Variants in LRP1B observed in about 807,000 individuals in gnomAD.
LRP1B encodes the protein low-density lipoprotein receptor-related protein 1B.
Under a neutral mutation model 556.6 loss-of-function variants are expected in LRP1B, and 217 were observed. That is an observed-to-expected ratio of 0.39 (90% CI 0.35 to 0.44). The LOEUF (loss-of-function observed/expected upper bound fraction) is 0.44, where lower values mean the gene tolerates loss of function less well. Among genes scored for constraint, LRP1B ranks in the 20% least tolerant of loss-of-function variants. The probability of loss-of-function intolerance (pLI) is 1.00; values close to 1 mark genes in which losing one functional copy is unlikely to be tolerated. For missense variants in LRP1B, 5,053 were observed against 5,620.8 expected (o/e 0.90, Z 3.23); for synonymous variants, 2,047 against 1,865.8 (o/e 1.10, Z -2.50).
intron 33 of LRP1B, among the ~76,000 whole-genome samples, chr2:140,773,947 A>C (rs1019889921): frequency 2.0e-5 from 3 of 152,108 alleles, no homozygotes; most frequent in Non-Finnish European, 2.9e-5. Flanking sequence ...ATTTATAATG[A>C]TATTGATGTT....
chr2:140,406,889 A>G (rs908035055), intron 66 of LRP1B, among the ~76,000 whole-genome samples: 1 of 152,198 alleles, frequency 6.6e-6, no homozygotes, highest in African/African-American at 2.4e-5. Context: ...AGCCAAAGCA[A>G]TACTACGTAA....
At chr2:140,261,033 G>A (rs1268473894) in intron 86 of LRP1B, among the ~76,000 whole-genome samples, 1 of 134,974 alleles carries the variant, frequency 7.4e-6, no homozygotes, top group Non-Finnish European at 1.6e-5. Context: ...AGAGAATGTT[G>A]GTGAGATATA....
rs752557587 is a variant in LRP1B, at chr2:140,335,785, G to A, written c.11946C>T (p.Asn3982=). Reference sequence around the variant, plus strand: ...TTCTAGAATGATCAGTCCAGTAAATGTTTCCAGCCACCCAGTCAACTGCAA... The same window carrying A: ...TTCTAGAATGATCAGTCCAGTAAATATTTCCAGCCACCCAGTCAACTGCAA... ...RDIAVDWVAG[N]IYWTDHSRMH... Residue 3982 remains asparagine (N), a synonymous_variant, in exon 78 of 91, where the codon AAC becomes AAT. Coordinates refer to ENST00000389484, the MANE Select transcript of LRP1B (RefSeq NM_018557.3). 1 of 1,612,762 alleles carries A rather than the reference G, an allele frequency of 6.2e-7. No individual in the cohort carries two copies. The highest frequency in any genetic ancestry group is 8.5e-7 in the Non-Finnish European group (1 of 1,179,250).
intron 2 of LRP1B, among the ~76,000 whole-genome samples, chr2:141,698,350 C>T (rs570851981): frequency 5.3e-5 from 8 of 151,812 alleles, no homozygotes; most frequent in African/African-American, 1.7e-4. Context: ...GAGTGCTGTA[C>T]AGGATGCTCA....
intron 41 of LRP1B, among the ~76,000 whole-genome samples, chr2:140,629,407 C>T (rs1244815788): frequency 6.6e-6 from 1 of 152,018 alleles, no homozygotes; most frequent in Non-Finnish European, 1.5e-5. Flanking sequence ...CAGACTAATA[C>T]AGTGTATATG....
intron 11 of LRP1B, among the ~76,000 whole-genome samples, chr2:141,046,557 G>T (rs1698875418): frequency 6.6e-6 from 1 of 152,110 alleles, no homozygotes. Context: ...TTTGCAAAAT[G>T]TTCTCATAAC....
intron 2 of LRP1B, among the ~76,000 whole-genome samples, chr2:141,641,776 A>T (rs932729531): frequency 5.3e-5 from 8 of 152,032 alleles, no homozygotes; most frequent in Non-Finnish European, 8.8e-5. Flanking sequence ...GTCCTGAATG[A>T]CTCTGCAGAG....
chr2:140,452,015 T>C (rs558895373), intron 62 of LRP1B, among the ~76,000 whole-genome samples: 1 of 152,230 alleles, frequency 6.6e-6, no homozygotes, highest in East Asian at 1.9e-4. Flanking sequence ...AGTGGCAGAT[T>C]AACATTAGAG....
intron 3 of LRP1B, among the ~76,000 whole-genome samples, chr2:141,287,210 A>G (rs1372515576): frequency 6.6e-6 from 1 of 151,912 alleles, no homozygotes; most frequent in Non-Finnish European, 1.5e-5. Flanking sequence ...TGTTATGTTC[A>G]TTATTTCAGT....
rs1219687689 is a variant in LRP1B, at chr2:141,302,089, G to C, written c.344-47448C>G. Among the ~76,000 whole-genome samples the C allele has an allele frequency of 5.3e-5, 8 of 152,098 alleles. No individual in the cohort carries two copies. In the East Asian group the frequency reaches 1.4e-3, roughly 26 times the overall value. The stretch of plus-strand genomic sequence containing the variant: ...AGGTATTTCTGGAAAAAATTCAAGA[G>C]CTTGAAAATAAATAAAGGCATAAAT... On this transcript the variant is annotated intron_variant, in intron 3 of 90. Coordinates refer to ENST00000389484, the MANE Select transcript of LRP1B (RefSeq NM_018557.3).
chr2:140,458,568 C>T (rs16844011), intron 60 of LRP1B, among the ~76,000 whole-genome samples: 2,334 of 152,062 alleles, frequency 0.015, 61 homozygotes, highest in African/African-American at 0.051. Flanking sequence ...TTTCTCTGTA[C>T]TAATTTTGAG....
chr2:141,453,571 T>A (rs1290954342), intron 3 of LRP1B, among the ~76,000 whole-genome samples: 1 of 152,194 alleles, frequency 6.6e-6, no homozygotes, highest in African/African-American at 2.4e-5. Flanking sequence ...TTGACAATGT[T>A]ATACCGTCTT....
chr2:141,918,881 G>A (rs1444945040), intron 1 of LRP1B, among the ~76,000 whole-genome samples: 2 of 152,046 alleles, frequency 1.3e-5, no homozygotes, highest in Non-Finnish European at 2.9e-5. Flanking sequence ...TTTGCTTGGG[G>A]TACAATAATG....
chr2:140,965,812 T>TTC (rs1365582426), intron 18 of LRP1B, among the ~76,000 whole-genome samples: 1 of 151,164 alleles, frequency 6.6e-6, no homozygotes, highest in Non-Finnish European at 1.5e-5. Flanking sequence ...GTGTTTTTTT[T>TTC]TTTTTCCCTG....
intron 3 of LRP1B, among the ~76,000 whole-genome samples, chr2:141,294,394 TATC>T (rs1405698423): frequency 6.7e-6 from 1 of 149,072 alleles, no homozygotes; most frequent in African/African-American, 2.4e-5. Flanking sequence ...TAATAGAACT[TATC>T]ATGAAATATC....
chr2:141,598,028 A>T (rs1211903456), intron 2 of LRP1B, among the ~76,000 whole-genome samples: 1 of 152,080 alleles, frequency 6.6e-6, no homozygotes, highest in South Asian at 2.1e-4. Flanking sequence ...TAACACACAC[A>T]GAGCCGTGTA....
At chr2:141,623,766 C>T (rs1688591399) in intron 2 of LRP1B, among the ~76,000 whole-genome samples, 1 of 151,526 alleles carries the variant, frequency 6.6e-6, no homozygotes, top group Non-Finnish European at 1.5e-5. Context: ...CCTGTAATCC[C>T]AGCATTTTGG....
At chr2:140,522,921 CT>C (rs1313678380) in intron 49 of LRP1B, among the ~76,000 whole-genome samples, 2 of 151,866 alleles carry the variant, frequency 1.3e-5, no homozygotes, top group Admixed American at 1.3e-4. Flanking sequence ...AAAAAAAGCC[CT>C]GGAACAGATA....
chr2:141,020,689 G>C (rs1163921773), intron 11 of LRP1B, among the ~76,000 whole-genome samples: 2 of 151,948 alleles, frequency 1.3e-5, no homozygotes, highest in African/African-American at 4.8e-5. Context: ...CTTTGTTTTA[G>C]ACTTACCTTG....
Sources: gnomAD v4.1 joint callset for allele counts (sites outside exome capture counted in the v4.1 genomes callset) on GRCh38, gnomAD v4.1.1 for gene constraint, MANE v1.5 for transcripts, NCBI Gene and HGNC (gene_info 2026-07-23, HGNC 2026-07-21) for gene names.